SPTBN5: variants seen among roughly 807,000 people sequenced by gnomAD.
The protein encoded by SPTBN5 is spectrin beta, non-erythrocytic 5.
In SPTBN5, 513 loss-of-function variants were observed where a neutral mutation model predicts 477.6. The ratio of observed to expected loss-of-function variants is 1.07; its 90% CI spans 1.00 to 1.16. The LOEUF is 1.16. Among genes scored for constraint, SPTBN5 ranks in the 50% most tolerant of loss-of-function variants. The probability of loss-of-function intolerance (pLI) is 0.00; values close to 1 mark genes in which losing one functional copy is unlikely to be tolerated. For missense variants in SPTBN5, 5,062 were observed against 4,731.8 expected (o/e 1.07, Z -2.05); for synonymous variants, 2,169 against 2,011.7 (o/e 1.08, Z -2.09).
chr15:41,878,095 C>T (rs2066808583), intron 17 of SPTBN5, among the ~76,000 whole-genome samples: 1 of 152,178 alleles, frequency 6.6e-6, no homozygotes, highest in Admixed American at 6.5e-5. Context: ...GCCTGGGCTG[C>T]AGAGAGCCTC....
At position 41,862,632 on chromosome 15, in the gene SPTBN5, C is replaced by A; in HGVS notation, c.7292G>T (p.Cys2431Phe). 6.4e-7 allele frequency: 1 copy of A among 1,555,706 alleles called. No individual in the cohort carries two copies. The highest frequency in any genetic ancestry group is 8.7e-7 in the Non-Finnish European group (1 of 1,152,762). Residue 2431 changes from cysteine to phenylalanine, a missense_variant, in exon 43 of 68, where the codon TGC becomes TTC. Physicochemically the swap from Cys to Phe is radical, Grantham distance 205. Transcript: ENST00000320955. ...ESLEREVGRL[C>F]QRSPEAAHGL... is the part of the protein sequence containing the mutation. ...GTGGGCTGCCTCGGGGCTTCTTTGG[C>A]AGAGGCGGCCCACTTCACGCTCTAG...
intron 16 of SPTBN5, 114 bp from the exon 17 acceptor site, chr15:41,878,743 G>A: frequency 8.3e-7 from 1 of 1,200,456 alleles, no homozygotes; most frequent in Non-Finnish European, 1.1e-6. Flanking sequence ...GACTCTCAAT[G>A]CCCACCCCAC....
chr15:41,877,418 C>A, intron 17 of SPTBN5, 62 bp from the exon 18 acceptor site: 1 of 1,556,900 alleles, frequency 6.4e-7, no homozygotes, highest in Non-Finnish European at 8.7e-7. Context: ...CCTCCTTCTC[C>A]TCTCACCTCC....
Position 41,856,524 on chromosome 15 carries a change from C to T in SPTBN5, c.8883G>A (p.Gln2961=), listed in dbSNP as rs752390034. The change falls in exon 53 of 68, where the codon CAG becomes CAA. Residue 2961 remains glutamine, a synonymous_variant. Transcript: ENST00000320955. ...CCTCGTGGGCGGCAAAGTGCCCAGCCTGCACCAGCTTGTACCCAGTGCCCA... is the reference window on the plus strand; with the variant it reads ...CCTCGTGGGCGGCAAAGTGCCCAGCTTGCACCAGCTTGTACCCAGTGCCCA... ...VVLGTGYKLV[Q]AGHFAAHEVA... is the part of the protein sequence containing the mutation. The T allele has an allele frequency of 6.2e-7, 1 of 1,601,800 alleles. No homozygotes were observed. Among genetic ancestry groups the T allele is most frequent in the East Asian group, 2.3e-5 (1 of 44,358 alleles).
At chr15:41,866,920 GT>G (rs1272673116) in intron 36 of SPTBN5, 38 bp downstream of exon 36, 1 of 1,531,826 alleles carries the variant, frequency 6.5e-7, no homozygotes, top group African/African-American at 1.4e-5. Flanking sequence ...GTCGAGTGTG[GT>G]TCCAGTGGAA....
At position 41,852,320 on chromosome 15, in the gene SPTBN5, G is replaced by A. The variant is rs1418736957; in HGVS notation, c.10450-4C>T. 3.8e-6 allele frequency: 6 copies of A among 1,574,516 alleles called. No individual in the cohort carries two copies. The highest frequency in any genetic ancestry group is 2.7e-5 in the African/African-American group (2 of 74,084). ...GCAGCAGGAGCTCCTGTTCCATCTT[G>A]GGGAGTGGGCAAGGTGGGCAAGGTG... On this transcript the variant is annotated splice_region_variant and splice_polypyrimidine_tract_variant and intron_variant, in intron 61 of 67. Coordinates refer to ENST00000320955, the MANE Select transcript of SPTBN5 (RefSeq NM_016642.4).
intron 15 of SPTBN5, 41 bp from the exon 16 acceptor site, chr15:41,879,540 C>A: frequency 6.6e-7 from 1 of 1,524,152 alleles, no homozygotes. Flanking sequence ...ACAGGGACAC[C>A]TCCCCATCCA....
At chr15:41,873,683 T>C in intron 25 of SPTBN5, 75 bp from the exon 26 acceptor site, 2 of 1,456,710 alleles carry the variant, frequency 1.4e-6, no homozygotes, top group South Asian at 2.4e-5. Flanking sequence ...CATCTGCCCC[T>C]GCTCTCCAGC....
intron 37 of SPTBN5, 36 bp from the exon 38 acceptor site, chr15:41,866,265 G>A: frequency 1.3e-6 from 2 of 1,577,944 alleles, no homozygotes; most frequent in Non-Finnish European, 1.7e-6. Context: ...CATCTTGCCT[G>A]CTGCACTTCC....
chr15:41,863,586 A>T, intron 41 of SPTBN5, 118 bp downstream of exon 41: 1 of 762,546 alleles, frequency 1.3e-6, no homozygotes, highest in Non-Finnish European at 2.2e-6. Context: ...ACCTCCAAGT[A>T]CCCAGCTGAA....
intron 35 of SPTBN5, 108 bp downstream of exon 35, chr15:41,867,430 G>T: frequency 9.2e-7 from 1 of 1,081,402 alleles, no homozygotes; most frequent in South Asian, 1.3e-5. Context: ...AGCCTTGCAG[G>T]CTCATCAGCA....
chr15:41,862,056 AAGGAGATGAG>A, intron 44 of SPTBN5, 64 bp downstream of exon 44: 1 of 1,496,714 alleles, frequency 6.7e-7, no homozygotes, highest in Admixed American at 2.3e-5. Context: ...GCCCAAGAGC[AAGGAGATGAG>A]AGGAAGGGGA....
At chr15:41,869,160 G>A (rs2066444435) in intron 32 of SPTBN5, among the ~76,000 whole-genome samples, 1 of 152,210 alleles carries the variant, frequency 6.6e-6, no homozygotes, top group Admixed American at 6.5e-5. Flanking sequence ...AGGAAGGAAG[G>A]GTAAATGGCA....
In SPTBN5 at chr15:41,875,503, C is replaced by T. The variant is rs960233825; in HGVS notation, c.4242G>A (p.Glu1414=). 4 of 1,612,382 alleles carry T rather than the reference C, an allele frequency of 2.5e-6. No homozygotes were observed. The African/African-American group carries it at 5.3e-5, about 22-fold the overall frequency. ...LNRKMTERGD[E]LQQAGQQEQL... Reference sequence around the variant, plus strand: ...GCTCCTGCTGTCCAGCCTGCTGGAGCTCGTCCCCACGCTCAGTCATCTTGC... The same window carrying T: ...GCTCCTGCTGTCCAGCCTGCTGGAGTTCGTCCCCACGCTCAGTCATCTTGC... The change falls in exon 22 of 68, where the codon GAG becomes GAA. Residue 1414 remains glutamate (E), a synonymous_variant. Coordinates refer to ENST00000320955, the MANE Select transcript of SPTBN5 (RefSeq NM_016642.4).
At chr15:41,852,039 T>A in intron 62 of SPTBN5, 143 bp downstream of exon 62, 1 of 1,081,720 alleles carries the variant, frequency 9.2e-7, no homozygotes, top group Non-Finnish European at 1.3e-6. Context: ...CAGCCATCTT[T>A]ATTCCTAATG....
Position 41,885,739 on chromosome 15 carries a change from G to C in SPTBN5, c.1516C>G (p.Arg506Gly). ...AGTTCATGTGCTGGGGCTCACCTGC[G>C]GGCCACATCTGCCCAGCTGTGGTAC... ...EQYHSWADVA[R>G]RQEEVTVRWQ... Residue 506 changes from arginine (R) to glycine (G), a missense_variant, in exon 7 of 68, where the codon CGC becomes GGC. Arg to Gly is a moderately radical substitution (Grantham distance 125). Coordinates refer to ENST00000320955, the MANE Select transcript of SPTBN5 (RefSeq NM_016642.4). 6.4e-7 allele frequency: 1 copy of C among 1,554,158 alleles called. No homozygotes were observed. Among genetic ancestry groups the C allele is most frequent in the Non-Finnish European group, 8.7e-7 (1 of 1,149,094 alleles).
At chr15:41,884,073 C>T (rs947667818) in intron 7 of SPTBN5, among the ~76,000 whole-genome samples, 2 of 152,236 alleles carry the variant, frequency 1.3e-5, no homozygotes, top group African/African-American at 2.4e-5. Flanking sequence ...GCCAGCTCCG[C>T]CTCCCAGGTT....
intron 39 of SPTBN5, among the ~76,000 whole-genome samples, chr15:41,865,159 C>T (rs60534710): frequency 0.015 from 2,241 of 152,228 alleles, 70 homozygotes; most frequent in African/African-American, 0.05. Flanking sequence ...ACCTGATTGT[C>T]AATACATTTG....
intron 4 of SPTBN5, 25 bp from the exon 5 acceptor site, chr15:41,888,110 A>G (rs2067211026): frequency 5.2e-6 from 8 of 1,551,526 alleles, no homozygotes; most frequent in Non-Finnish European, 7.0e-6. Context: ...CAGCAGGGTC[A>G]CCATGCGGGG....
Sources: allele counts gnomAD v4.1 joint callset (sites outside exome capture counted in the v4.1 genomes callset), GRCh38; gene constraint gnomAD v4.1.1; transcripts MANE v1.5; gene names NCBI Gene and HGNC (gene_info 2026-07-23, HGNC 2026-07-21).